EPHA2: variants seen among roughly 807,000 people sequenced by gnomAD.
EPHA2 encodes the protein EPH receptor A2.
Under a neutral mutation model 104.9 loss-of-function variants are expected in EPHA2, and 54 were observed. That is an observed-to-expected ratio of 0.51 (90% CI 0.41 to 0.65). The LOEUF is 0.65. EPHA2 is among the 30% of genes least tolerant of loss of function. The pLI, the probability that EPHA2 is intolerant of heterozygous loss-of-function variation, is 0.00. For synonymous variants in EPHA2, 560 were observed against 559.1 expected (o/e 1.00, Z -0.02); for missense variants, 1,117 against 1,369.5 (o/e 0.82, Z 2.91).
At position 16,137,989 on chromosome 1, in the gene EPHA2, C is replaced by G. The variant is rs772647370; in HGVS notation, c.1176G>C (p.Leu392=). 3 of 1,614,106 alleles carry G rather than the reference C, an allele frequency of 1.9e-6. No homozygotes were observed. The highest frequency in any genetic ancestry group is 2.5e-6 in the Non-Finnish European group (3 of 1,180,038). The part of the protein sequence containing the change: ...SVRYSEPPHG[L]TRTSVTVSDL... ...CGCTCACTGTCACACTGGTGCGGGT[C>G]AGTCCGTGAGGAGGCTCCGAGTAGC... The change falls in exon 5 of 17, where the codon CTG becomes CTC. Residue 392 remains leucine, a synonymous_variant. Transcript: ENST00000358432.
intron 1 of EPHA2, chr1:16,153,124 T>C: frequency 1.1e-6 from 1 of 870,382 alleles, no homozygotes; most frequent in Non-Finnish European, 1.3e-6. Flanking sequence ...TTCCCATTTC[T>C]GGGGGGAAAA....
chr1:16,143,187 G>GATGA (rs745659689), intron 3 of EPHA2, among the ~76,000 whole-genome samples: 2 of 151,324 alleles, frequency 1.3e-5, no homozygotes, highest in Non-Finnish European at 3.0e-5. Context: ...TGGATGGATG[G>GATGA]ATGAATGGAT....
rs2025163827 is a variant in EPHA2, at chr1:16,156,069, T to C, written c.-137A>G. The C allele has an allele frequency of 6.2e-6, 4 of 641,294 alleles. No individual in the cohort carries two copies. Among genetic ancestry groups the C allele is most frequent in the Non-Finnish European group, 9.5e-6 (4 of 421,552 alleles). 39.7% of individuals were successfully genotyped at this position (641,294 alleles called of 1,614,324 possible). ...TGCCCCTCCTGCCCCGAGTCCTTAA[T>C]GGAAGTTGGGTGAGAACCGACTCCT... On this transcript the variant is annotated 5_prime_UTR_variant, in exon 1 of 17. Transcript: ENST00000358432.
At chr1:16,146,504 C>T (rs747716410) in intron 3 of EPHA2, 1 of 152,428 alleles carries the variant, frequency 6.6e-6, no homozygotes, top group African/African-American at 2.4e-5. Flanking sequence ...GGAGCCTGCT[C>T]GCCCCACTGG....
chr1:16,148,605 T>C lies in EPHA2; in HGVS notation c.596A>G (p.Lys199Arg), dbSNP rs752532312. ...GCCCTGCAGCAGCTCGGGGCACTTCTTGTAGTAGACACGGACGGAGAGCAG... is the reference window on the plus strand; with the variant it reads ...GCCCTGCAGCAGCTCGGGGCACTTCCTGTAGTAGACACGGACGGAGAGCAG... Reference protein sequence around the residue: ...VALLSVRVYYKKCPELLQGLA... With the variant: ...VALLSVRVYYRKCPELLQGLA... The change falls in exon 3 of 17, where the codon AAG becomes AGG. Residue 199 changes from lysine (K) to arginine (R), a missense_variant. By Grantham distance (26) the Lys-to-Arg change is conservative. Coordinates refer to ENST00000358432, the MANE Select transcript of EPHA2 (RefSeq NM_004431.5). The surrounding 1 kb of genome is among the most constrained non-coding windows in gnomAD (Gnocchi z 4.9). 12 of 1,609,728 alleles carry C rather than the reference T, an allele frequency of 7.5e-6. No homozygotes were observed. In the Admixed American group the frequency reaches 1.8e-4, roughly 25 times the overall value.
intron 2 of EPHA2, among the ~76,000 whole-genome samples, chr1:16,149,809 C>T (rs958460268): frequency 2.0e-5 from 3 of 152,220 alleles, no homozygotes; most frequent in African/African-American, 7.2e-5. Context: ...CTGAGCTCCT[C>T]AGCCAGAGTC....
rs772373245 is a variant in EPHA2 at position 16,148,568 on chromosome 1, G to A, written c.633C>T (p.Phe211=). 3.1e-6 allele frequency: 5 copies of A among 1,612,174 alleles called. No homozygotes were observed. Among genetic ancestry groups the A allele is most frequent in the South Asian group, 1.1e-5 (1 of 91,090 alleles). Residue 211 remains phenylalanine (F), a synonymous_variant, in exon 3 of 17, where the codon TTC becomes TTT. Coordinates refer to ENST00000358432, the MANE Select transcript of EPHA2 (RefSeq NM_004431.5). This position sits in a 1 kb window ranked among gnomAD's most constrained non-coding sequence, Gnocchi z 4.9. ...CATCAGAGCCGGCGATGGTCTCAGG[G>A]AAGTGGGCCAGGCCCTGCAGCAGCT... is the stretch of plus-strand genomic sequence containing the variant. ...CPELLQGLAH[F]PETIAGSDAP... is the part of the protein sequence containing the mutation.
intron 3 of EPHA2, among the ~76,000 whole-genome samples, chr1:16,147,611 C>T (rs533961820): frequency 4.6e-5 from 7 of 151,840 alleles, no homozygotes; most frequent in Non-Finnish European, 1.0e-4. Flanking sequence ...TCAAAAATAA[C>T]AGCCACATTT....
intron 16 of EPHA2, among the ~76,000 whole-genome samples, chr1:16,126,890 C>T (rs75170989): frequency 1.3e-5 from 2 of 152,210 alleles, no homozygotes; most frequent in Non-Finnish European, 2.9e-5. Context: ...CTCCCGCCCC[C>T]ACCCCTGCCC....
At chr1:16,155,569 G>C in intron 1 of EPHA2, 1 of 378,906 alleles carries the variant, frequency 2.6e-6, no homozygotes, top group Non-Finnish European at 4.7e-6. Context: ...TCCCGAAGTC[G>C]CCGCCTGGAC....
chr1:16,140,897 G>A (rs567529099), intron 3 of EPHA2, among the ~76,000 whole-genome samples: 3 of 151,942 alleles, frequency 2.0e-5, no homozygotes, highest in Non-Finnish European at 4.4e-5. Context: ...CACCGCGTCC[G>A]GCCTATTTTA....
intron 1 of EPHA2, among the ~76,000 whole-genome samples, chr1:16,151,600 C>T (rs2025038185): frequency 6.6e-6 from 1 of 152,128 alleles, no homozygotes; most frequent in Non-Finnish European, 1.5e-5. Context: ...CCGATCTTCT[C>T]ACCACAAAAG....
intron 16 of EPHA2, among the ~76,000 whole-genome samples, chr1:16,127,514 G>A (rs2024492197): frequency 6.6e-6 from 1 of 152,158 alleles, no homozygotes; most frequent in South Asian, 2.1e-4. Context: ...GCAGGAGGCT[G>A]AGAAGGGGAG....
At chr1:16,126,505 G>A (rs903573214) in intron 16 of EPHA2, among the ~76,000 whole-genome samples, 4 of 152,182 alleles carry the variant, frequency 2.6e-5, no homozygotes, top group African/African-American at 7.2e-5. Context: ...AGGACCTCCC[G>A]CAGAGGCTGG....
At chr1:16,126,104 C>T (rs575588395) in intron 16 of EPHA2, among the ~76,000 whole-genome samples, 48 of 152,182 alleles carry the variant, frequency 3.2e-4, no homozygotes, top group Admixed American at 2.1e-3. Flanking sequence ...AACCAGCAGC[C>T]GAGGGGGAAG....
Position 16,148,277 on chromosome 1 carries a change from A to C in EPHA2, c.823+101T>G, listed in dbSNP as rs1347693813. ...TCCACTAACAGAACTAATGTGTGTC[A>C]AAGCAGGGATGAGCTTACCAAGATT... On this transcript the variant is annotated intron_variant, in intron 3 of 16. Coordinates refer to ENST00000358432, the MANE Select transcript of EPHA2 (RefSeq NM_004431.5). This position sits in a 1 kb window ranked among gnomAD's most constrained non-coding sequence, Gnocchi z 4.9. 1 of 1,468,898 alleles carries C rather than the reference A, an allele frequency of 6.8e-7. No homozygotes were observed. The highest frequency in any genetic ancestry group is 2.3e-5 in the East Asian group (1 of 44,224). The allele number at this position is 1,468,898 out of a possible 1,614,324, so 91.0% of individuals were successfully genotyped here. A position where few individuals can be genotyped will look rare whatever the true frequency, so the allele number is the denominator to read the frequency against.
rs145735332 is a variant in EPHA2, at chr1:16,125,526, G to A, written c.2826-206C>T. 3.3e-3 allele frequency among the ~76,000 whole-genome samples: 498 copies of A among 152,206 alleles called. 1 individual carries two copies. Among genetic ancestry groups the A allele is most frequent in the Non-Finnish European group, 5.2e-3 (354 of 67,988 alleles). ...AGAAGGAGCCACAGCCTAGAAGCTT[G>A]CCAAGGTGGCCCACCATCAACAAAG... On this transcript the variant is annotated intron_variant, in intron 16 of 16. Coordinates refer to ENST00000358432, the MANE Select transcript of EPHA2 (RefSeq NM_004431.5). This position sits in a 1 kb window ranked among gnomAD's most constrained non-coding sequence, Gnocchi z 4.9.
chr1:16,148,574 G>A lies in EPHA2; in HGVS notation c.627C>T (p.Ala209=). The change falls in exon 3 of 17, where the codon GCC becomes GCT. Residue 209 remains alanine (A), a synonymous_variant. Transcript: ENST00000358432. The surrounding 1 kb of genome is among the most constrained non-coding windows in gnomAD (Gnocchi z 4.9). The stretch of plus-strand genomic sequence containing the variant: ...AGCCGGCGATGGTCTCAGGGAAGTG[G>A]GCCAGGCCCTGCAGCAGCTCGGGGC... ...KKCPELLQGL[A]HFPETIAGSD... The A allele has an allele frequency of 6.2e-7, 1 of 1,611,978 alleles. No homozygotes were observed.
At chr1:16,140,666 T>C (rs751271075) in intron 3 of EPHA2, among the ~76,000 whole-genome samples, 5 of 152,204 alleles carry the variant, frequency 3.3e-5, no homozygotes, top group Non-Finnish European at 5.9e-5. Flanking sequence ...TTGCCCAGGC[T>C]GGAGTGAAGT....
Sources: allele counts gnomAD v4.1 joint callset (sites outside exome capture counted in the v4.1 genomes callset), GRCh38; gene constraint gnomAD v4.1.1; non-coding constraint Gnocchi (gnomAD v3.1); transcripts MANE v1.5; gene names NCBI Gene and HGNC (gene_info 2026-07-23, HGNC 2026-07-21).